RPN2: variants seen among roughly 807,000 people sequenced by gnomAD.
RPN2 encodes dolichyl-diphosphooligosaccharide--protein glycosyltransferase subunit 2.
In RPN2, 29 loss-of-function variants were observed where a neutral mutation model predicts 71.4. That is an observed-to-expected ratio of 0.41 (90% CI 0.30 to 0.55). The LOEUF (loss-of-function observed/expected upper bound fraction) is 0.55. Among genes scored for constraint, RPN2 ranks in the 20% least tolerant of loss-of-function variants. RPN2 has a pLI of 0.35. For missense variants in RPN2, 726 were observed against 774.1 expected (o/e 0.94, Z 0.74); for synonymous variants, 308 against 305.0 (o/e 1.01, Z -0.10).
At chr20:37,229,554 A>G (rs2068179860) in intron 12 of RPN2, among the ~76,000 whole-genome samples, 1 of 152,192 alleles carries the variant, frequency 6.6e-6, no homozygotes, top group Non-Finnish European at 1.5e-5. Context: ...CTCGTGTGGT[A>G]TTCAAGACTT....
chr20:37,212,132 G>A (rs4812888), intron 8 of RPN2, among the ~76,000 whole-genome samples: 124,523 of 152,094 alleles, frequency 0.82, 51,674 homozygotes, highest in Middle Eastern at 0.93. Flanking sequence ...CTAAGGCCCA[G>A]TTTACTGGGT....
chr20:37,218,553 AAAAC>A (rs940527993), intron 9 of RPN2, among the ~76,000 whole-genome samples: 2 of 151,098 alleles, frequency 1.3e-5, no homozygotes, highest in South Asian at 2.1e-4. Context: ...GCTAAAAAAA[AAAAC>A]AAAAAAAACA....
At position 37,189,323 on chromosome 20, in the gene RPN2, ATGTGTGTGTG is replaced by A. The variant is rs11474653; in HGVS notation, c.207+4979_207+4988del. Among the ~76,000 whole-genome samples the A allele has an allele frequency of 9.8e-3, 630 of 64,596 alleles. 5 individuals carry two copies. The highest frequency in any genetic ancestry group is 0.02 in the Non-Finnish European group (465 of 23,080). 42.4% of individuals were successfully genotyped at this position (64,596 alleles called of 152,430 possible). A position where few individuals can be genotyped will look rare whatever the true frequency, so the allele number is the denominator to read the frequency against. On this transcript the variant is annotated intron_variant, in intron 2 of 16. Coordinates refer to ENST00000237530, the MANE Select transcript of RPN2 (RefSeq NM_002951.5). ...CCAATGGGCCAAACTGTGTGTGTGT[ATGTGTGTGTG>A]TGTGTGTGTGTGTGTGTGTGTGTGT...
At chr20:37,193,043 G>A (rs528411419) in intron 2 of RPN2, among the ~76,000 whole-genome samples, 7 of 152,144 alleles carry the variant, frequency 4.6e-5, no homozygotes, top group African/African-American at 9.7e-5. Flanking sequence ...ATGGAGGATC[G>A]CTGGAGCCCA....
chr20:37,233,898 C>T (rs1225009172), intron 14 of RPN2, 122 bp from the exon 15 acceptor site: 2 of 1,062,896 alleles, frequency 1.9e-6, no homozygotes, highest in Non-Finnish European at 1.4e-6. Flanking sequence ...AATTGCCTGT[C>T]CTTCTAGGAT....
chr20:37,227,864 A>C (rs1204686774), intron 11 of RPN2, among the ~76,000 whole-genome samples: 2 of 152,252 alleles, frequency 1.3e-5, no homozygotes, highest in Non-Finnish European at 2.9e-5. Context: ...TTGACTAGCT[A>C]GCATATACCG....
rs6104180 is a variant in RPN2, at chr20:37,234,628, A to T, written c.1753+533A>T. Among the ~76,000 whole-genome samples, 574 of 152,036 alleles carry T rather than the reference A, an allele frequency of 3.8e-3. 4 individuals carry two copies. The highest frequency in any genetic ancestry group is 0.013 in the African/African-American group (558 of 41,466). Reference sequence around the variant, plus strand: ...CACTTAAGCATTTCTGAGGCTTTTGATGCTATTGGATCAGGGGTGCCTTGC... The same window carrying T: ...CACTTAAGCATTTCTGAGGCTTTTGTTGCTATTGGATCAGGGGTGCCTTGC... On this transcript the variant is annotated intron_variant, in intron 15 of 16. Transcript: ENST00000237530.
chr20:37,230,769 T>G (rs573343559), intron 13 of RPN2, among the ~76,000 whole-genome samples: 1 of 152,274 alleles, frequency 6.6e-6, no homozygotes, highest in South Asian at 2.1e-4. Flanking sequence ...GGTAGAGTAG[T>G]AGGATTGTTT....
intron 16 of RPN2, among the ~76,000 whole-genome samples, chr20:37,237,102 T>G (rs2068420122): frequency 6.7e-6 from 1 of 148,300 alleles, no homozygotes; most frequent in Admixed American, 6.7e-5. Context: ...TCTGTAACCC[T>G]CACAGCTCCA....
intron 8 of RPN2, among the ~76,000 whole-genome samples, chr20:37,212,180 G>A (rs2067689212): frequency 6.6e-6 from 1 of 152,180 alleles, no homozygotes; most frequent in African/African-American, 2.4e-5. Flanking sequence ...TTGGGAGGCT[G>A]AGGTGGGAGG....
chr20:37,212,672 G>T (rs1213426183), intron 8 of RPN2, among the ~76,000 whole-genome samples: 2 of 151,960 alleles, frequency 1.3e-5, no homozygotes, highest in African/African-American at 4.8e-5. Context: ...GTAGGAATGG[G>T]GTTTCACCAT....
chr20:37,239,929 G>T (rs914166078), intron 16 of RPN2, among the ~76,000 whole-genome samples: 1 of 152,090 alleles, frequency 6.6e-6, no homozygotes, highest in African/African-American at 2.4e-5. Context: ...TGATTAAAAA[G>T]AACTTTTTTT....
At chr20:37,213,619 GC>G in intron 8 of RPN2, 140 bp from the exon 9 acceptor site, 2 of 705,102 alleles carry the variant, frequency 2.8e-6, no homozygotes, top group Non-Finnish European at 5.2e-6. Flanking sequence ...GCACGAGATT[GC>G]CCAAGTGGGG....
chr20:37,215,529 T>A (rs944792310), intron 9 of RPN2, among the ~76,000 whole-genome samples: 4 of 152,156 alleles, frequency 2.6e-5, no homozygotes, highest in African/African-American at 9.7e-5. Flanking sequence ...AGTTCTTTTT[T>A]TCTTTTCTTT....
Position 37,236,714 on chromosome 20 carries a change from G to GGCCAGAC in RPN2, c.1883+6_1883+12dup. Reference sequence around the variant, plus strand: ...GGCCCAGCAGGCAGTCAAGAGGTAAGGCCAGACATGAGCCAGGGATCTAGA... The same window carrying GGCCAGAC: ...GGCCCAGCAGGCAGTCAAGAGGTAAGGCCAGACGCCAGACATGAGCCAGGGATCTAGA... On this transcript the variant is annotated splice_donor_region_variant and intron_variant, in intron 16 of 16. Coordinates refer to ENST00000237530, the MANE Select transcript of RPN2 (RefSeq NM_002951.5). 1 of 1,613,980 alleles carries GGCCAGAC rather than the reference G, an allele frequency of 6.2e-7. No individual in the cohort carries two copies. Among genetic ancestry groups the GGCCAGAC allele is most frequent in the Non-Finnish European group, 8.5e-7 (1 of 1,179,876 alleles).
intron 12 of RPN2, among the ~76,000 whole-genome samples, chr20:37,229,532 C>T (rs1213431473): frequency 6.6e-6 from 1 of 152,130 alleles, no homozygotes; most frequent in African/African-American, 2.4e-5. Context: ...GACAAAGGGG[C>T]AGCTGCGTTT....
chr20:37,211,974 C>T (rs1003890456), intron 8 of RPN2, among the ~76,000 whole-genome samples: 3 of 152,018 alleles, frequency 2.0e-5, no homozygotes, highest in Non-Finnish European at 2.9e-5. Flanking sequence ...CCTCAGCCTC[C>T]GAGTGGCTGG....
chr20:37,224,848 A>G (rs977432007), intron 10 of RPN2, among the ~76,000 whole-genome samples: 1 of 152,182 alleles, frequency 6.6e-6, no homozygotes. Flanking sequence ...CTTTTAAATC[A>G]CATAGAGTTG....
intron 2 of RPN2, among the ~76,000 whole-genome samples, chr20:37,188,420 T>C (rs372767198): frequency 2.7e-4 from 41 of 152,274 alleles, no homozygotes; most frequent in African/African-American, 9.4e-4. Context: ...CCCAAAGTGC[T>C]GGGATTACAG....
Sources: allele counts gnomAD v4.1 joint callset (sites outside exome capture counted in the v4.1 genomes callset), GRCh38; gene constraint gnomAD v4.1.1; transcripts MANE v1.5; gene names NCBI Gene and HGNC (gene_info 2026-07-23, HGNC 2026-07-21).